The following MAGI2 variants were observed in gnomAD, a reference collection of about 807,000 sequenced individuals.
MAGI2 encodes membrane associated guanylate kinase, WW and PDZ domain containing 2.
Under a neutral mutation model 133.3 loss-of-function variants are expected in MAGI2, and 35 were observed. The observed-to-expected ratio is 0.26, with a 90% CI of 0.20 to 0.35. MAGI2 has a LOEUF of 0.35. Ranked by LOEUF, MAGI2 falls within the 10% of genes least tolerant of loss-of-function variation. MAGI2 has a pLI of 1.00. For synonymous variants in MAGI2, 729 were observed against 710.6 expected (o/e 1.03, Z -0.41); for missense variants, 1,636 against 1,863.4 (o/e 0.88, Z 2.25).
intron 1 of MAGI2, among the ~76,000 whole-genome samples, chr7:79,326,180 G>T (rs1839680272): frequency 1.3e-5 from 1 of 77,526 alleles, no homozygotes; most frequent in Admixed American, 1.7e-4. Context: ...GGTGAACAAA[G>T]TATATAGACC....
At chr7:78,112,491 T>A (rs1279364229) in intron 20 of MAGI2, among the ~76,000 whole-genome samples, 2 of 152,204 alleles carry the variant, frequency 1.3e-5, no homozygotes, top group African/African-American at 4.8e-5. Context: ...TGAGGCACGT[T>A]ATAAAAAAAG....
intron 2 of MAGI2, among the ~76,000 whole-genome samples, chr7:78,702,750 T>G (rs1335480668): frequency 1.3e-5 from 2 of 152,012 alleles, no homozygotes; most frequent in African/African-American, 2.4e-5. Context: ...TCCAGGAGCA[T>G]TTATTGGATG....
At chr7:79,116,255 G>A (rs986784373) in intron 1 of MAGI2, among the ~76,000 whole-genome samples, 8 of 152,022 alleles carry the variant, frequency 5.3e-5, no homozygotes, top group African/African-American at 1.9e-4. Context: ...AGTGGCTAAG[G>A]CTCCCATAAC....
intron 1 of MAGI2, among the ~76,000 whole-genome samples, chr7:79,026,719 A>C (rs1809922404): frequency 6.6e-6 from 1 of 152,198 alleles, no homozygotes; most frequent in South Asian, 2.1e-4. Context: ...CTAAAAATAC[A>C]AAAACTTAGT....
At chr7:78,208,823 A>G (rs986181715) in intron 10 of MAGI2, among the ~76,000 whole-genome samples, 5 of 152,132 alleles carry the variant, frequency 3.3e-5, no homozygotes, top group African/African-American at 1.2e-4. Context: ...TACAAGCATC[A>G]TAAATTCAAT....
At chr7:78,415,357 G>A (rs984559839) in intron 6 of MAGI2, among the ~76,000 whole-genome samples, 2 of 151,720 alleles carry the variant, frequency 1.3e-5, no homozygotes, top group Non-Finnish European at 2.9e-5. Flanking sequence ...TCCAAAATTG[G>A]GTAGTGTATT....
chr7:79,096,850 A>G (rs1386130786), intron 1 of MAGI2, among the ~76,000 whole-genome samples: 1 of 152,186 alleles, frequency 6.6e-6, no homozygotes, highest in Non-Finnish European at 1.5e-5. Flanking sequence ...CCTGACAGCC[A>G]GAAACTCCAG....
intron 1 of MAGI2, among the ~76,000 whole-genome samples, chr7:79,159,642 A>AT (rs1363898812): frequency 6.6e-6 from 1 of 152,078 alleles, no homozygotes; most frequent in African/African-American, 2.4e-5. Flanking sequence ...TATTACAAAT[A>AT]TTAACTTATT....
chr7:79,357,616 A>G (rs1842105854), intron 1 of MAGI2, among the ~76,000 whole-genome samples: 1 of 152,188 alleles, frequency 6.6e-6, no homozygotes, highest in African/African-American at 2.4e-5. Flanking sequence ...GAAGCTGGAA[A>G]AGATCTATGA....
chr7:78,118,715 G>C (rs931247605), intron 20 of MAGI2, among the ~76,000 whole-genome samples: 2 of 152,188 alleles, frequency 1.3e-5, no homozygotes, highest in African/African-American at 4.8e-5. Context: ...ATGCTGATGA[G>C]GATATGGAGA....
intron 1 of MAGI2, among the ~76,000 whole-genome samples, chr7:79,113,300 G>A (rs1819098845): frequency 6.6e-6 from 1 of 152,080 alleles, no homozygotes; most frequent in Non-Finnish European, 1.5e-5. Flanking sequence ...ACCTTCCCAT[G>A]GTGAGCTATT....
intron 1 of MAGI2, chr7:79,354,001 C>T (rs1485863387): frequency 6.5e-6 from 1 of 153,246 alleles, no homozygotes; most frequent in East Asian, 1.9e-4. Flanking sequence ...CCAGCCTTGC[C>T]TCCTTTCTGC....
intron 6 of MAGI2, 94 bp downstream of exon 6, chr7:78,489,667 T>G (rs1793409789): frequency 1.1e-6 from 1 of 894,862 alleles, no homozygotes; most frequent in Non-Finnish European, 1.8e-6. Flanking sequence ...TTGTTTCAGC[T>G]AGATTATTGC....
chr7:78,283,486 AG>A, intron 9 of MAGI2, among the ~76,000 whole-genome samples: 1 of 152,170 alleles, frequency 6.6e-6, no homozygotes, highest in African/African-American at 2.4e-5. Context: ...TATATGAATA[AG>A]TAAATATACC....
chr7:78,792,851 T>C (rs533948347), intron 2 of MAGI2, among the ~76,000 whole-genome samples: 1 of 152,338 alleles, frequency 6.6e-6, no homozygotes, highest in East Asian at 1.9e-4. Flanking sequence ...ATTCTCGGCA[T>C]GCAGTGTGCT....
chr7:79,085,373 A>G (rs1265477226), intron 1 of MAGI2, among the ~76,000 whole-genome samples: 1 of 151,674 alleles, frequency 6.6e-6, no homozygotes, highest in Non-Finnish European at 1.5e-5. Context: ...GTTTGTCAAG[A>G]CATTATTTTT....
intron 21 of MAGI2, among the ~76,000 whole-genome samples, chr7:78,065,218 T>C (rs1813693338): frequency 6.6e-6 from 1 of 152,190 alleles, no homozygotes; most frequent in African/African-American, 2.4e-5. Context: ...GTTACAGCTG[T>C]CTATACTTTG....
At chr7:78,342,022 C>T (rs1180132936) in intron 9 of MAGI2, among the ~76,000 whole-genome samples, 2 of 151,996 alleles carry the variant, frequency 1.3e-5, no homozygotes, top group Non-Finnish European at 2.9e-5. Flanking sequence ...AGTGAACAGG[C>T]AACCTACAGA....
At chr7:78,556,860 G>A (rs184135434) in intron 3 of MAGI2, among the ~76,000 whole-genome samples, 7 of 151,854 alleles carry the variant, frequency 4.6e-5, no homozygotes, top group East Asian at 2.0e-4. Flanking sequence ...AGGCTGAGGC[G>A]GGCAGATCAT....
Sources: gnomAD v4.1 joint callset for allele counts (sites outside exome capture counted in the v4.1 genomes callset) on GRCh38, gnomAD v4.1.1 for gene constraint, MANE v1.5 for transcripts, NCBI Gene and HGNC (gene_info 2026-07-23, HGNC 2026-07-21) for gene names.